Variants in NUP210L observed in about 807,000 individuals in gnomAD.
NUP210L encodes nuclear pore membrane glycoprotein 210-like.
In NUP210L, 74 loss-of-function variants were observed where a neutral mutation model predicts 208.5. That is an observed-to-expected ratio of 0.35 (90% CI 0.29 to 0.43). NUP210L has a LOEUF of 0.43. Ranked by LOEUF, NUP210L falls within the 20% of genes least tolerant of loss-of-function variation. NUP210L has a pLI of 1.00. For missense variants in NUP210L, 1,843 were observed against 2,289.4 expected (o/e 0.81, Z 3.98); for synonymous variants, 780 against 816.9 (o/e 0.95, Z 0.77).
intron 16 of NUP210L, among the ~76,000 whole-genome samples, chr1:154,087,278 C>T (rs1655674454): frequency 6.7e-6 from 1 of 148,592 alleles, no homozygotes; most frequent in African/African-American, 2.5e-5. Context: ...TGAGATTGCA[C>T]CACTTCACTC....
intron 10 of NUP210L, among the ~76,000 whole-genome samples, chr1:154,121,695 C>T (rs888664229): frequency 2.0e-5 from 3 of 151,756 alleles, no homozygotes; most frequent in Admixed American, 6.6e-5. Flanking sequence ...AGTGAAATCC[C>T]GTCTCTACTA....
intron 9 of NUP210L, among the ~76,000 whole-genome samples, chr1:154,126,712 GT>G (rs1032382874): frequency 6.6e-6 from 1 of 152,128 alleles, no homozygotes; most frequent in African/African-American, 2.4e-5. Flanking sequence ...GCAAATTTTA[GT>G]GTAATTTTTA....
At chr1:154,036,172 C>T (rs1652530727) in intron 27 of NUP210L, among the ~76,000 whole-genome samples, 1 of 151,528 alleles carries the variant, frequency 6.6e-6, no homozygotes, top group Non-Finnish European at 1.5e-5. Context: ...GTTTAATTAC[C>T]CTGTGTTTGT....
chr1:154,009,875 A>T lies in NUP210L; in HGVS notation c.4930+97T>A, dbSNP rs976273838. On this transcript the variant is annotated intron_variant, in intron 35 of 39. Transcript: ENST00000368559. ...CAAAGATTCCACAGTTATATATCAGATGAAACTACAGATATAAATGCAATC... is the reference window on the plus strand; with the variant it reads ...CAAAGATTCCACAGTTATATATCAGTTGAAACTACAGATATAAATGCAATC... 1.8e-4 allele frequency: 174 copies of T among 979,466 alleles called. 1 individual carries two copies. The highest frequency in any genetic ancestry group is 2.3e-4 in the Non-Finnish European group (159 of 683,310). 60.7% of individuals were successfully genotyped at this position (979,466 alleles called of 1,614,324 possible). A position where few individuals can be genotyped will look rare whatever the true frequency, so the allele number is the denominator to read the frequency against.
At chr1:153,993,255 C>T (rs1301210844) in intron 38 of NUP210L, among the ~76,000 whole-genome samples, 166 bp from the exon 39 acceptor site, 1 of 152,112 alleles carries the variant, frequency 6.6e-6, no homozygotes, top group African/African-American at 2.4e-5. Flanking sequence ...TTTAGAGTTA[C>T]TTTCAGCTTT....
chr1:154,045,862 G>A (rs1653146193), intron 27 of NUP210L, among the ~76,000 whole-genome samples: 1 of 152,182 alleles, frequency 6.6e-6, no homozygotes, highest in Admixed American at 6.6e-5. Flanking sequence ...GCATGTGCCT[G>A]TGGTCCCAGC....
In NUP210L at chr1:154,125,719, AAGGAAGGAAGGAAGGAAGGGAGGGAGG is replaced by A. The variant is rs1657896921; in HGVS notation, c.1326+577_1326+603del. The stretch of plus-strand genomic sequence containing the variant: ...GAAGGAAGGAAGGAAGGAAGGAAGG[AAGGAAGGAAGGAAGGAAGGGAGGGAGG>A]GAAATGTTTTTTTTTTTTTTTTTTT... On this transcript the variant is annotated intron_variant, in intron 10 of 39. Coordinates refer to ENST00000368559, the Ensembl canonical transcript of NUP210L. Among the ~76,000 whole-genome samples, 5 of 43,516 alleles carry A rather than the reference AAGGAAGGAAGGAAGGAAGGGAGGGAGG, an allele frequency of 1.1e-4. 2 individuals carry two copies. Among genetic ancestry groups the A allele is most frequent in the African/African-American group, 3.3e-4 (5 of 15,162 alleles). 28.5% of individuals were successfully genotyped at this position (43,516 alleles called of 152,430 possible).
chr1:154,143,503 C>G (rs1461415480), exon 3 of NUP210L: 1 of 1,613,852 alleles, frequency 6.2e-7, no homozygotes, highest in African/African-American at 1.3e-5. Flanking sequence ...ACATAAAGTT[C>G]CCGGGCCCGA....
chr1:153,995,028 A>AAT, intron 38 of NUP210L, 48 bp downstream of exon 38: 2 of 1,132,224 alleles, frequency 1.8e-6, no homozygotes, highest in Non-Finnish European at 2.6e-6. Context: ...AAAAAAAAAA[A>AAT]GGCAGTTTTC....
At chr1:154,009,607 G>A (rs1313019506) in intron 35 of NUP210L, among the ~76,000 whole-genome samples, 1 of 134,010 alleles carries the variant, frequency 7.5e-6, no homozygotes, top group Non-Finnish European at 1.5e-5. Context: ...GGCAATATAG[G>A]AAGATCACGT....
chr1:154,066,309 A>G (rs1654411137), intron 17 of NUP210L, among the ~76,000 whole-genome samples: 1 of 152,066 alleles, frequency 6.6e-6, no homozygotes, highest in South Asian at 2.1e-4. Flanking sequence ...GACACAAAAA[A>G]CCCTTCAAGA....
intron 14 of NUP210L, among the ~76,000 whole-genome samples, chr1:154,097,134 T>G (rs535259716): frequency 1.3e-5 from 2 of 152,118 alleles, no homozygotes; most frequent in Non-Finnish European, 2.9e-5. Context: ...AGAGGTCTCA[T>G]AGATGGCCTT....
chr1:154,078,781 A>C (rs1655166910), intron 16 of NUP210L: 1 of 152,140 alleles, frequency 6.6e-6, no homozygotes, highest in South Asian at 2.1e-4. Flanking sequence ...AAAGATTAAG[A>C]TGTTAATTGT....
intron 35 of NUP210L, among the ~76,000 whole-genome samples, chr1:154,002,801 T>C (rs934047701): frequency 6.6e-6 from 1 of 151,908 alleles, no homozygotes; most frequent in African/African-American, 2.4e-5. Context: ...TCAGGGAATA[T>C]TAAATGATAT....
At chr1:154,063,898 G>A (rs1433990744) in intron 17 of NUP210L, among the ~76,000 whole-genome samples, 1 of 151,168 alleles carries the variant, frequency 6.6e-6, no homozygotes, top group African/African-American at 2.4e-5. Flanking sequence ...TCCGGGATGA[G>A]CATTTGGGTA....
chr1:154,022,337 G>A, exon 32 of NUP210L: 1 of 1,612,600 alleles, frequency 6.2e-7, no homozygotes, highest in Non-Finnish European at 8.5e-7. Context: ...TATGCAGCAA[G>A]TCATCTCTGC....
At position 153,992,919 on chromosome 1, in the gene NUP210L, TGTG is replaced by T. The variant is rs974799147; in HGVS notation, c.5580_5582del (p.Thr1861del). On this transcript the variant is annotated inframe_deletion, in exon 40 of 40. Transcript: ENST00000368559. Reference sequence around the variant, plus strand: ...GACTCATGAAGTGAGGGGGAGAACTTGTGGAGTTAAAAAAACCTAGAAGAAGAG... The same window carrying T: ...GACTCATGAAGTGAGGGGGAGAACTTGAGTTAAAAAAACCTAGAAGAAGAG... The T allele has an allele frequency of 4.3e-6, 7 of 1,611,438 alleles. No individual in the cohort carries two copies. In the African/African-American group the frequency reaches 5.4e-5, roughly 12 times the overall value.
intron 10 of NUP210L, among the ~76,000 whole-genome samples, chr1:154,120,042 C>T (rs932143685): frequency 6.6e-6 from 1 of 152,162 alleles, no homozygotes; most frequent in Non-Finnish European, 1.5e-5. Context: ...TCTCCACATC[C>T]TCTCCAGCAC....
intron 4 of NUP210L, 44 bp downstream of exon 4, chr1:154,141,387 G>T: frequency 8.2e-7 from 1 of 1,214,050 alleles, no homozygotes; most frequent in Non-Finnish European, 1.2e-6. Flanking sequence ...AATGGCAGAT[G>T]TCTTCTTCAT....
Sources: gnomAD v4.1 joint callset for allele counts (sites outside exome capture counted in the v4.1 genomes callset) on GRCh38, gnomAD v4.1.1 for gene constraint, MANE v1.5 for transcripts, NCBI Gene and HGNC (gene_info 2026-07-23, HGNC 2026-07-21) for gene names.